Variants in HNMT observed in about 807,000 individuals in gnomAD.
HNMT encodes the protein histamine N-methyltransferase.
A neutral mutation model predicts 32.1 loss-of-function variants in HNMT; 30 were observed. The observed-to-expected ratio is 0.93, with a 90% CI of 0.70 to 1.27. HNMT has a LOEUF of 1.27. HNMT is among the 50% of genes most tolerant of loss of function. HNMT has a pLI of 0.00. For missense variants in HNMT, 327 were observed against 346.0 expected, an observed-to-expected ratio of 0.95 and a Z score of 0.43; for synonymous variants, 125 against 119.0, an observed-to-expected ratio of 1.05 and a Z score of -0.33.
intron 5 of HNMT, among the ~76,000 whole-genome samples, chr2:138,010,447 A>G (rs895753567): frequency 0.014 from 1,696 of 119,218 alleles, 26 homozygotes; most frequent in African/African-American, 0.073. Flanking sequence ...ACACGCACAC[A>G]CACACACACA....
chr2:137,978,583 T>C (rs1218852702), intron 2 of HNMT, among the ~76,000 whole-genome samples: 1 of 139,870 alleles, frequency 7.1e-6, no homozygotes, highest in African/African-American at 2.6e-5. Flanking sequence ...CTAGATAATA[T>C]AGTATTATAC....
rs767244384 is a variant in HNMT at position 138,001,003 on chromosome 2, T to C, written c.276T>C (p.Ala92=). The change falls in exon 3 of 6, where the codon GCT becomes GCC. Residue 92 remains alanine, a synonymous_variant. Transcript: ENST00000280097. ...ACAATGAAGTTGTTGAGCCAAGTGC[T>C]GAACAAATTGCCAAATACAAAGGTA... ...CINNEVVEPS[A]EQIAKYKELV... The C allele has an allele frequency of 2.5e-6, 4 of 1,605,138 alleles. No individual in the cohort carries two copies. The Admixed American group carries it at 6.8e-5, about 27-fold the overall frequency.
chr2:137,970,779 G>C (rs1215434676), intron 2 of HNMT, among the ~76,000 whole-genome samples: 2 of 151,974 alleles, frequency 1.3e-5, no homozygotes, highest in African/African-American at 4.8e-5. Flanking sequence ...AATTAGCCAA[G>C]CGTGGTGGCA....
chr2:137,971,597 A>G (rs893501536), intron 2 of HNMT, among the ~76,000 whole-genome samples: 4 of 152,324 alleles, frequency 2.6e-5, no homozygotes, highest in Middle Eastern at 3.4e-3. Flanking sequence ...CCTCCAGTGA[A>G]ATTTATGATC....
At chr2:137,993,085 G>T (rs528665556) in intron 2 of HNMT, among the ~76,000 whole-genome samples, 2 of 152,180 alleles carry the variant, frequency 1.3e-5, no homozygotes, top group South Asian at 4.2e-4. Flanking sequence ...ACAAACTCAC[G>T]AAGTCAAGAA....
rs777634822 is a variant in HNMT at position 138,013,834 on chromosome 2, C to A, written c.583C>A (p.Leu195Ile). ...KYGSRFPQDD[L>I]CQYITSDDLT... Reference sequence around the variant, plus strand: ...CGGATCACGCTTTCCCCAGGATGACCTCTGCCAGTATATCACATCAGATGA... The same window carrying A: ...CGGATCACGCTTTCCCCAGGATGACATCTGCCAGTATATCACATCAGATGA... The change falls in exon 6 of 6, where the codon CTC becomes ATC. Residue 195 changes from leucine (L) to isoleucine (I), a missense_variant. By Grantham distance (5) the Leu-to-Ile change is conservative. Transcript: ENST00000280097. 1.2e-6 allele frequency: 2 copies of A among 1,613,680 alleles called. No homozygotes were observed. The highest frequency in any genetic ancestry group is 2.7e-5 in the African/African-American group (2 of 75,014).
chr2:137,974,668 TAGAC>T (rs1413933985), intron 2 of HNMT, among the ~76,000 whole-genome samples: 6 of 152,194 alleles, frequency 3.9e-5, no homozygotes, highest in Admixed American at 2.6e-4. Context: ...TTTTAAGAGT[TAGAC>T]AGAGCTGTAA....
At chr2:137,964,759 C>G in intron 1 of HNMT, 131 bp downstream of exon 1, 1 of 849,072 alleles carries the variant, frequency 1.2e-6, no homozygotes, top group Non-Finnish European at 1.9e-6. Context: ...AGCTCCCCGT[C>G]GTCCCCTCCT....
At chr2:137,982,487 A>G (rs115487401) in intron 2 of HNMT, among the ~76,000 whole-genome samples, 2 of 152,214 alleles carry the variant, frequency 1.3e-5, no homozygotes, top group South Asian at 2.1e-4. Flanking sequence ...AATTAATTCT[A>G]TATCTGTGGC....
intron 2 of HNMT, among the ~76,000 whole-genome samples, chr2:137,980,684 G>A (rs985999967): frequency 6.6e-6 from 1 of 152,064 alleles, no homozygotes; most frequent in Non-Finnish European, 1.5e-5. Context: ...GATTTCCTGG[G>A]CCAAGAACCA....
intron 2 of HNMT, among the ~76,000 whole-genome samples, chr2:137,983,056 T>G (rs958758249): frequency 2.2e-4 from 34 of 152,304 alleles, no homozygotes; most frequent in African/African-American, 8.2e-4. Context: ...AAGCGCATGA[T>G]TTTTTCCTAT....
chr2:137,978,327 C>T (rs1680349365), intron 2 of HNMT, among the ~76,000 whole-genome samples: 1 of 144,594 alleles, frequency 6.9e-6, no homozygotes, highest in South Asian at 2.2e-4. Flanking sequence ...TATAATATTA[C>T]ATAATTATAT....
chr2:137,967,227 A>G (rs139928049), intron 1 of HNMT: 189 of 690,242 alleles, frequency 2.7e-4, no homozygotes, highest in Middle Eastern at 1.5e-3. Context: ...CCTGGGCAAC[A>G]TAGCAAGATC....
intron 2 of HNMT, among the ~76,000 whole-genome samples, chr2:137,994,954 T>C (rs182094395): frequency 2.0e-5 from 3 of 152,210 alleles, no homozygotes; most frequent in East Asian, 3.9e-4. Flanking sequence ...GATCAAGAAG[T>C]TCTTTGAAAC....
chr2:137,989,808 T>C (rs1680765935), intron 2 of HNMT, among the ~76,000 whole-genome samples: 1 of 152,230 alleles, frequency 6.6e-6, no homozygotes, highest in African/African-American at 2.4e-5. Flanking sequence ...GTAATGGTAT[T>C]TTGTTAATGT....
intron 5 of HNMT, among the ~76,000 whole-genome samples, chr2:138,010,443 A>ACG (rs1278156451): frequency 2.2e-4 from 18 of 81,626 alleles, no homozygotes; most frequent in East Asian, 6.6e-4. Flanking sequence ...AGACACACGC[A>ACG]CACACACACA....
chr2:138,009,583 A>G (rs1207484428), intron 5 of HNMT, among the ~76,000 whole-genome samples: 1 of 152,068 alleles, frequency 6.6e-6, no homozygotes, highest in Non-Finnish European at 1.5e-5. Context: ...AACATACCCA[A>G]TAGAAATATA....
At chr2:137,978,944 A>T (rs1680391783) in intron 2 of HNMT, among the ~76,000 whole-genome samples, 1 of 140,546 alleles carries the variant, frequency 7.1e-6, no homozygotes, top group African/African-American at 2.6e-5. Context: ...TAAAATAGGT[A>T]ATCTATTATA....
chr2:137,993,092 A>G lies in HNMT; in HGVS notation c.191-7826A>G, dbSNP rs184881013. 3.9e-5 allele frequency among the ~76,000 whole-genome samples: 6 copies of G among 152,330 alleles called. No individual in the cohort carries two copies. In the East Asian group the frequency reaches 1.2e-3, roughly 29 times the overall value. ...AAAACTAGACAAACTCACGAAGTCA[A>G]GAAAGAATCAATGAAACAATGCTGA... On this transcript the variant is annotated intron_variant, in intron 2 of 5. Coordinates refer to ENST00000280097, the MANE Select transcript of HNMT (RefSeq NM_006895.3).
Sources: allele counts gnomAD v4.1 joint callset (sites outside exome capture counted in the v4.1 genomes callset), GRCh38; gene constraint gnomAD v4.1.1; transcripts MANE v1.5; gene names NCBI Gene and HGNC (gene_info 2026-07-23, HGNC 2026-07-21).